Variants in NHSL1 observed in about 807,000 individuals in gnomAD.
NHSL1 encodes the protein NHS-like protein 1.
Under a neutral mutation model 95.0 loss-of-function variants are expected in NHSL1, and 48 were observed. The ratio of observed to expected loss-of-function variants is 0.51; its 90% confidence interval spans 0.40 to 0.64. The LOEUF is 0.64. Ranked by LOEUF, NHSL1 falls within the 30% of genes least tolerant of loss-of-function variation. The pLI, the probability that NHSL1 is intolerant of heterozygous loss-of-function variation, is 0.00. For synonymous variants in NHSL1, 783 were observed against 833.9 expected, an observed-to-expected ratio of 0.94 and a Z score of 1.05; for missense variants, 1,971 against 2,077.7, an observed-to-expected ratio of 0.95 and a Z score of 1.00.
In NHSL1 at chr6:138,433,244, T is replaced by G. The variant is rs1176937109; in HGVS notation, c.1101A>C (p.Leu367Phe). The change falls in exon 6 of 8, where the codon TTA becomes TTC. Residue 367 changes from leucine (L) to phenylalanine (F), a missense_variant. Physicochemically the swap from Leu to Phe is conservative, Grantham distance 22. This residue lies in a region of NHSL1 where 1,602 missense variants were observed against 1,654.5 expected (regional missense o/e 0.97). Coordinates refer to ENST00000343505, the MANE Select transcript of NHSL1 (RefSeq NM_001144060.2). Reference sequence around the variant, plus strand: ...TCCCTGAGGCACCTCCTAAATGGCCTAAGTTTTCATCTGCTTGTGGGTGAC... The same window carrying G: ...TCCCTGAGGCACCTCCTAAATGGCCGAAGTTTTCATCTGCTTGTGGGTGAC... ...QRGHPQADEN[L>F]GHLGGASGTG... The G allele has an allele frequency of 2.6e-6, 4 of 1,551,396 alleles. No individual in the cohort carries two copies. Among genetic ancestry groups the G allele is most frequent in the South Asian group, 1.2e-5 (1 of 84,050 alleles).
At chr6:138,667,740 T>C (rs1785313444) in intron 1 of NHSL1, among the ~76,000 whole-genome samples, 1 of 152,248 alleles carries the variant, frequency 6.6e-6, no homozygotes, top group Non-Finnish European at 1.5e-5. Flanking sequence ...TTTTGTTCAT[T>C]ATCTTCTCTT....
rs529822948 is a variant in NHSL1 at position 138,433,061 on chromosome 6, G to A, written c.1284C>T (p.Pro428=). The A allele has an allele frequency of 1.1e-4, 170 of 1,551,334 alleles. No individual in the cohort carries two copies. The highest frequency in any genetic ancestry group is 9.8e-5 in the Non-Finnish European group (112 of 1,146,896). Residue 428 remains proline, a synonymous_variant, in exon 6 of 8, where the codon CCC becomes CCT. Coordinates refer to ENST00000343505, the MANE Select transcript of NHSL1 (RefSeq NM_001144060.2). The part of the protein sequence containing the change: ...LSSSSEVIAI[P]TAQSAGQRES... ...CCCGCTGTCCCGCACTCTGAGCAGTGGGAATAGCGATGACCTCGGAAGAGG... is the reference window on the plus strand; with the variant it reads ...CCCGCTGTCCCGCACTCTGAGCAGTAGGAATAGCGATGACCTCGGAAGAGG...
At chr6:138,437,367 TATATACAC>T (rs1776213614) in intron 5 of NHSL1, among the ~76,000 whole-genome samples, 1 of 105,430 alleles carries the variant, frequency 9.5e-6, no homozygotes, top group African/African-American at 4.3e-5. Flanking sequence ...CACATATATA[TATATACAC>T]ATATATATAT....
chr6:138,561,675 G>A (rs572194469), intron 1 of NHSL1, among the ~76,000 whole-genome samples: 13 of 152,248 alleles, frequency 8.5e-5, no homozygotes, highest in Admixed American at 3.3e-4. Context: ...AAGAACCCAC[G>A]ATGTGCCCGC....
chr6:138,456,883 C>CTT (rs113834827), intron 3 of NHSL1, among the ~76,000 whole-genome samples: 8 of 144,738 alleles, frequency 5.5e-5, no homozygotes, highest in South Asian at 4.4e-4. Context: ...TTCTTTCTTT[C>CTT]TTTTTTTTTT....
At chr6:138,680,286 T>C (rs1274193694) in intron 1 of NHSL1, among the ~76,000 whole-genome samples, 3 of 152,204 alleles carry the variant, frequency 2.0e-5, no homozygotes, top group Admixed American at 6.5e-5. Context: ...GGCTGCTCTA[T>C]TCAAATGTCT....
chr6:138,464,715 C>CTTTTTTTTTT (rs1157342436), intron 3 of NHSL1, among the ~76,000 whole-genome samples: 56 of 118,962 alleles, frequency 4.7e-4, no homozygotes, highest in African/African-American at 1.3e-3. Flanking sequence ...TTTTTCTTTT[C>CTTTTTTTTTT]TTTTTTTTTT....
intron 1 of NHSL1, among the ~76,000 whole-genome samples, chr6:138,648,463 T>C (rs895112022): frequency 2.6e-5 from 4 of 152,136 alleles, no homozygotes; most frequent in Non-Finnish European, 5.9e-5. Context: ...AGGCTGCATT[T>C]AGCTGACCGA....
Position 138,433,296 on chromosome 6 carries a change from A to G in NHSL1, c.1049T>C (p.Met350Thr), listed in dbSNP as rs1775839981. 6.4e-7 allele frequency: 1 copy of G among 1,551,598 alleles called. No individual in the cohort carries two copies. The highest frequency in any genetic ancestry group is 2.4e-5 in the East Asian group (1 of 40,886). ...TCTCTGGTAGAGGAAAGTGCCATTC[A>G]TGTCTCCTGCAGGGCCGAGGGCACC... ...RLGALGPAGD[M>T]NGTFLYQRGH... Residue 350 changes from methionine (M) to threonine (T), a missense_variant, in exon 6 of 8, where the codon ATG (methionine) becomes ACG (threonine). Around this residue, in one of 3 missense-constraint regions of NHSL1, gnomAD observed 1,602 missense variants for 1,654.5 expected, o/e 0.97. Coordinates refer to ENST00000343505, the MANE Select transcript of NHSL1 (RefSeq NM_001144060.2).
Position 138,431,281 on chromosome 6 carries a change from G to T in NHSL1, c.3064C>A (p.Pro1022Thr). The change falls in exon 6 of 8, where the codon CCT becomes ACT. Residue 1022 changes from proline to threonine, a missense_variant. Coordinates refer to ENST00000343505, the MANE Select transcript of NHSL1 (RefSeq NM_001144060.2). This position sits in a 1 kb window ranked among gnomAD's most constrained non-coding sequence, Gnocchi z 4.0. ...AATTTGGGGTCAAGAGGTGGGGCAG[G>T]TGGGGGTTCCGAGGAAGGTAAGAGA... Reference protein sequence around the residue: ...PPLLPSSEPPPAPPLDPKFMK... With the variant: ...PPLLPSSEPPTAPPLDPKFMK... 1 of 1,502,888 alleles carries T rather than the reference G, an allele frequency of 6.7e-7. No individual in the cohort carries two copies. The highest frequency in any genetic ancestry group is 8.9e-7 in the Non-Finnish European group (1 of 1,122,156). The allele number at this position is 1,502,888 out of a possible 1,614,324, so 93.1% of individuals were successfully genotyped here.
chr6:138,507,664 G>T (rs562341857), intron 1 of NHSL1, among the ~76,000 whole-genome samples: 4 of 152,306 alleles, frequency 2.6e-5, no homozygotes, highest in African/African-American at 9.6e-5. Context: ...TCTGATAACA[G>T]ATACTCATGA....
intron 3 of NHSL1, among the ~76,000 whole-genome samples, chr6:138,467,247 G>A (rs1183051370): frequency 1.3e-5 from 2 of 152,020 alleles, no homozygotes; most frequent in Non-Finnish European, 2.9e-5. Flanking sequence ...CCGCCCCCCG[G>A]GTTCACGCCA....
intron 1 of NHSL1, among the ~76,000 whole-genome samples, chr6:138,517,399 T>C (rs1157028792): frequency 6.6e-6 from 1 of 152,242 alleles, no homozygotes; most frequent in East Asian, 1.9e-4. Context: ...TAAAAAGCTT[T>C]CTCTGTATTC....
Position 138,423,948 on chromosome 6 carries a change from C to T in NHSL1, c.*133G>A, listed in dbSNP as rs1775070242. ...CCGTTCACTCACACTGCAGGGCTGGCAACCCCGGGGCCCACAGCACAGAAG... is the reference window on the plus strand; with the variant it reads ...CCGTTCACTCACACTGCAGGGCTGGTAACCCCGGGGCCCACAGCACAGAAG... On this transcript the variant is annotated 3_prime_UTR_variant, in exon 8 of 8. Transcript: ENST00000343505. 1.2e-5 allele frequency: 11 copies of T among 944,130 alleles called. No individual in the cohort carries two copies. The South Asian group carries it at 5.0e-4, about 43-fold the overall frequency. 58.5% of individuals were successfully genotyped at this position (944,130 alleles called of 1,614,324 possible). A position where few individuals can be genotyped will look rare whatever the true frequency, so the allele number is the denominator to read the frequency against.
chr6:138,481,516 A>G (rs1779416143), intron 2 of NHSL1, among the ~76,000 whole-genome samples: 1 of 152,218 alleles, frequency 6.6e-6, no homozygotes, highest in South Asian at 2.1e-4. Context: ...AAGACAATAG[A>G]TGTTCAAACA....
At chr6:138,502,061 G>C (rs145020000), upstream of NHSL1, among the ~76,000 whole-genome samples, 3 of 152,102 alleles carry the variant, frequency 2.0e-5, no homozygotes, top group Non-Finnish European at 4.4e-5. Context: ...GGTTACACAC[G>C]AGTAAGTGGT....
chr6:138,616,275 T>G (rs1182201867), intron 1 of NHSL1, among the ~76,000 whole-genome samples: 1 of 152,124 alleles, frequency 6.6e-6, no homozygotes, highest in Non-Finnish European at 1.5e-5. Context: ...CTACCTAAGG[T>G]TTAAATTTTC....
At chr6:138,560,247 T>A (rs1428054321) in intron 1 of NHSL1, among the ~76,000 whole-genome samples, 1 of 152,224 alleles carries the variant, frequency 6.6e-6, no homozygotes. Context: ...ATCAACTGAA[T>A]AAACCAACAC....
intron 4 of NHSL1, among the ~76,000 whole-genome samples, chr6:138,442,489 T>A (rs894999235): frequency 2.0e-5 from 3 of 152,202 alleles, no homozygotes; most frequent in African/African-American, 7.2e-5. Context: ...GTGATGGTAA[T>A]GAGTATGTTT....
Sources: allele counts gnomAD v4.1 joint callset (sites outside exome capture counted in the v4.1 genomes callset), GRCh38; gene constraint gnomAD v4.1.1; regional missense constraint gnomAD v4.1.1; non-coding constraint Gnocchi (gnomAD v3.1); transcripts MANE v1.5; gene names NCBI Gene and HGNC (gene_info 2026-07-23, HGNC 2026-07-21).